Variants in SDK1 observed in about 807,000 individuals in gnomAD.
SDK1 encodes protein sidekick-1.
In SDK1, 157 loss-of-function variants were observed where a neutral mutation model predicts 245.5. The ratio of observed to expected loss-of-function variants is 0.64; its 90% CI spans 0.56 to 0.73. SDK1 has a LOEUF of 0.73. Among genes scored for constraint, SDK1 ranks in the 30% least tolerant of loss-of-function variants. The pLI is 0.00. For synonymous variants in SDK1, 1,647 were observed against 1,278.5 expected (o/e 1.29, Z -6.15); for missense variants, 3,583 against 3,002.3 (o/e 1.19, Z -4.52).
chr7:3,517,905 G>C (rs1313395634), intron 1 of SDK1, among the ~76,000 whole-genome samples: 3 of 152,074 alleles, frequency 2.0e-5, no homozygotes, highest in Non-Finnish European at 4.4e-5. Flanking sequence ...CCCATTCTCA[G>C]TGACTAAGTC....
chr7:3,544,676 G>C (rs1434926516), intron 1 of SDK1, among the ~76,000 whole-genome samples: 1 of 152,232 alleles, frequency 6.6e-6, no homozygotes, highest in Non-Finnish European at 1.5e-5. Context: ...ATCGCATTCT[G>C]AAAACATCAG....
intron 41 of SDK1, among the ~76,000 whole-genome samples, chr7:4,234,665 C>T (rs994463239): frequency 6.6e-6 from 1 of 152,182 alleles, no homozygotes; most frequent in African/African-American, 2.4e-5. Context: ...CTTAGGGTTG[C>T]TTGAGAAAGT....
intron 5 of SDK1, among the ~76,000 whole-genome samples, chr7:3,829,066 C>T (rs771509560): frequency 2.2e-4 from 34 of 152,096 alleles, no homozygotes; most frequent in Non-Finnish European, 4.3e-4. Context: ...AATGTTTAGA[C>T]GTGCTTATCA....
chr7:4,150,724 A>G (rs973291325), intron 30 of SDK1, among the ~76,000 whole-genome samples: 3 of 152,184 alleles, frequency 2.0e-5, no homozygotes, highest in African/African-American at 7.2e-5. Flanking sequence ...CTGGGGGCAA[A>G]GTTCAGGCTT....
intron 1 of SDK1, among the ~76,000 whole-genome samples, chr7:3,311,601 C>T (rs1779551902): frequency 1.3e-5 from 2 of 152,148 alleles, no homozygotes; most frequent in Admixed American, 6.5e-5. Flanking sequence ...AAAAAATTGT[C>T]ATTTGGCAGA....
At chr7:3,389,236 A>G (rs1781684482) in intron 1 of SDK1, among the ~76,000 whole-genome samples, 2 of 152,326 alleles carry the variant, frequency 1.3e-5, no homozygotes, top group Middle Eastern at 3.4e-3. Context: ...CTTCAGTGAT[A>G]AAATGAGACT....
intron 17 of SDK1, among the ~76,000 whole-genome samples, chr7:4,019,340 G>C (rs983090675): frequency 2.0e-5 from 3 of 152,198 alleles, no homozygotes; most frequent in Admixed American, 6.5e-5. Flanking sequence ...CAAGACTGCT[G>C]TTCTCTGAGT....
At chr7:3,938,439 G>A (rs765352911) in intron 5 of SDK1, among the ~76,000 whole-genome samples, 44 of 152,004 alleles carry the variant, frequency 2.9e-4, no homozygotes, top group Non-Finnish European at 5.3e-4. Flanking sequence ...TCAGGAGATC[G>A]TGACTAACCT....
intron 22 of SDK1, among the ~76,000 whole-genome samples, chr7:4,095,324 C>G (rs181440681): frequency 7.9e-4 from 120 of 151,504 alleles, no homozygotes; most frequent in African/African-American, 2.7e-3. Context: ...TCAGCTCCCC[C>G]ATATCTGAGC....
At chr7:4,244,213 G>C (rs1180750582) in intron 43 of SDK1, among the ~76,000 whole-genome samples, 1 of 152,098 alleles carries the variant, frequency 6.6e-6, no homozygotes, top group Non-Finnish European at 1.5e-5. Flanking sequence ...TGATCACCCA[G>C]TGTTACTTCT....
chr7:3,388,716 G>C (rs1422493988), intron 1 of SDK1, among the ~76,000 whole-genome samples: 1 of 152,098 alleles, frequency 6.6e-6, no homozygotes, highest in Non-Finnish European at 1.5e-5. Context: ...GATAAAGGGA[G>C]AATTTTATAA....
chr7:4,046,552 G>C (rs1789027087), intron 17 of SDK1, among the ~76,000 whole-genome samples: 1 of 152,102 alleles, frequency 6.6e-6, no homozygotes, highest in African/African-American at 2.4e-5. Context: ...AGCACCATTT[G>C]TCGAAATTAC....
Position 4,017,268 on chromosome 7 carries a change from C to A in SDK1, c.2518C>A (p.Gln840Lys). Residue 840 changes from glutamine to lysine, a missense_variant, in exon 17 of 45, where the codon CAG (glutamine) becomes AAG (lysine). Transcript: ENST00000404826. Reference protein sequence around the residue: ...CLVTDLIIWTQYEIQVAAYNG... With the variant: ...CLVTDLIIWTKYEIQVAAYNG... ...GGTGACAGACCTGATCATCTGGACA[C>A]AGTATGAGATACAGGTGGCGGCGTA... 2 of 1,614,092 alleles carry A rather than the reference C, an allele frequency of 1.2e-6. No homozygotes were observed. The highest frequency in any genetic ancestry group is 1.7e-6 in the Non-Finnish European group (2 of 1,179,970).
chr7:3,919,371 C>T (rs1052413518), intron 5 of SDK1, among the ~76,000 whole-genome samples: 1 of 152,236 alleles, frequency 6.6e-6, no homozygotes, highest in Non-Finnish European at 1.5e-5. Flanking sequence ...GCCTCTGCTG[C>T]TGCCATGGGA....
chr7:3,624,970 C>A (rs1279073092), intron 2 of SDK1, among the ~76,000 whole-genome samples: 1 of 151,970 alleles, frequency 6.6e-6, no homozygotes, highest in Non-Finnish European at 1.5e-5. Context: ...ACCCGGGAGG[C>A]GGAGGTTGCA....
chr7:3,639,387 T>G (rs1330463058), intron 3 of SDK1, among the ~76,000 whole-genome samples: 4 of 152,150 alleles, frequency 2.6e-5, no homozygotes, highest in Non-Finnish European at 5.9e-5. Context: ...TGCCTTCTGT[T>G]TTAGGAATCA....
chr7:3,596,506 C>T (rs1428109194), intron 1 of SDK1, among the ~76,000 whole-genome samples: 1 of 152,152 alleles, frequency 6.6e-6, no homozygotes, highest in Non-Finnish European at 1.5e-5. Flanking sequence ...ATGTTAAGTG[C>T]ATAAGCCGGT....
chr7:3,631,464 C>A (rs1470778254), intron 2 of SDK1, among the ~76,000 whole-genome samples: 2 of 152,192 alleles, frequency 1.3e-5, no homozygotes, highest in African/African-American at 4.8e-5. Flanking sequence ...TGTCAGCTCT[C>A]TTTTTCTAGT....
At chr7:3,583,624 A>T (rs1027603360) in intron 1 of SDK1, among the ~76,000 whole-genome samples, 1 of 152,180 alleles carries the variant, frequency 6.6e-6, no homozygotes, top group Non-Finnish European at 1.5e-5. Context: ...AATGAATAAC[A>T]TATCAGTCTC....
Sources: allele counts gnomAD v4.1 joint callset (sites outside exome capture counted in the v4.1 genomes callset), GRCh38; gene constraint gnomAD v4.1.1; transcripts MANE v1.5; gene names NCBI Gene and HGNC (gene_info 2026-07-23, HGNC 2026-07-21).